SYNE1: variants seen among roughly 807,000 people sequenced by gnomAD.
SYNE1 encodes nesprin-1.
In SYNE1, 616 loss-of-function variants were observed where a neutral mutation model predicts 1,111.0. The observed-to-expected ratio is 0.55, with a 90% confidence interval of 0.52 to 0.59. The LOEUF (loss-of-function observed/expected upper bound fraction) is 0.59. SYNE1 is among the 20% of genes least tolerant of loss of function. SYNE1 has a pLI of 0.00. For missense variants in SYNE1, 10,006 were observed against 10,417.0 expected, an observed-to-expected ratio of 0.96 and a Z score of 1.72; for synonymous variants, 3,855 against 3,825.8, an observed-to-expected ratio of 1.01 and a Z score of -0.28.
chr6:152,456,188 T>C, intron 22 of SYNE1, 144 bp from the exon 23 acceptor site: 1 of 779,198 alleles, frequency 1.3e-6, no homozygotes, highest in East Asian at 2.6e-5. Context: ...AAAAGTATGG[T>C]GGAACATTTC....
chr6:152,166,466 G>GT (rs1271511365), intron 130 of SYNE1, among the ~76,000 whole-genome samples: 1 of 152,036 alleles, frequency 6.6e-6, no homozygotes, highest in Admixed American at 6.6e-5. Context: ...AAATTCATTC[G>GT]TTTTTTTGGT....
intron 41 of SYNE1, among the ~76,000 whole-genome samples, chr6:152,414,845 T>C (rs539647726): frequency 7.7e-4 from 117 of 152,208 alleles, no homozygotes; most frequent in African/African-American, 2.7e-3. Context: ...AGGCACCTTG[T>C]TCTCTCTTTA....
At chr6:152,274,620 G>C (rs1241867337) in intron 98 of SYNE1, among the ~76,000 whole-genome samples, 1 of 152,032 alleles carries the variant, frequency 6.6e-6, no homozygotes, top group Non-Finnish European at 1.5e-5. Flanking sequence ...TTTTGAGATG[G>C]AGTTTCACTC....
chr6:152,211,178 A>G (rs775125258), intron 124 of SYNE1, among the ~76,000 whole-genome samples: 18 of 152,216 alleles, frequency 1.2e-4, no homozygotes, highest in Non-Finnish European at 2.1e-4. Context: ...TCTGTTTACA[A>G]ACCGTTGATA....
intron 29 of SYNE1, 72 bp from the exon 30 acceptor site, chr6:152,444,650 A>T (rs1322786415): frequency 1.4e-6 from 2 of 1,417,374 alleles, no homozygotes; most frequent in Non-Finnish European, 1.9e-6. Flanking sequence ...TTTTTTTGGT[A>T]AGGTATGATT....
At chr6:152,221,997 A>T (rs2080289935) in intron 117 of SYNE1, among the ~76,000 whole-genome samples, 1 of 152,126 alleles carries the variant, frequency 6.6e-6, no homozygotes, top group African/African-American at 2.4e-5. Flanking sequence ...ACTTGCCCAG[A>T]CATGTCCAAA....
intron 3 of SYNE1, among the ~76,000 whole-genome samples, chr6:152,551,632 A>T (rs1044828500): frequency 1.3e-5 from 2 of 152,210 alleles, no homozygotes; most frequent in Non-Finnish European, 2.9e-5. Context: ...TAGTATATTT[A>T]AAAAATATCA....
chr6:152,301,724 C>CA, intron 92 of SYNE1, 145 bp downstream of exon 92: 1 of 882,978 alleles, frequency 1.1e-6, no homozygotes, highest in East Asian at 2.7e-5. Flanking sequence ...CAACGGTAGT[C>CA]AAAGAGACTT....
intron 28 of SYNE1, among the ~76,000 whole-genome samples, 175 bp downstream of exon 28, chr6:152,449,358 C>G (rs977641749): frequency 2.0e-5 from 3 of 151,990 alleles, no homozygotes; most frequent in African/African-American, 7.3e-5. Flanking sequence ...ACCAAGGATT[C>G]AATAGGAAAA....
chr6:152,141,424 A>G, intron 138 of SYNE1, 95 bp from the exon 139 acceptor site: 1 of 1,559,656 alleles, frequency 6.4e-7, no homozygotes, highest in Non-Finnish European at 8.7e-7. Context: ...CAGCAAGAGA[A>G]GTGTCTGTGT....
At chr6:152,380,117 A>G (rs1407070851) in intron 56 of SYNE1, among the ~76,000 whole-genome samples, 4 of 152,238 alleles carry the variant, frequency 2.6e-5, no homozygotes, top group Admixed American at 6.5e-5. Context: ...AGTAGCATAA[A>G]GAGGTAGAAA....
chr6:152,127,078 T>C (rs1055337817), intron 145 of SYNE1: 1 of 152,178 alleles, frequency 6.6e-6, no homozygotes, highest in African/African-American at 2.4e-5. Context: ...GTTTCCAGAA[T>C]CAAGTTAGGA....
chr6:152,219,338 C>A (rs2079525092), intron 119 of SYNE1, among the ~76,000 whole-genome samples, 153 bp from the exon 120 acceptor site: 1 of 152,092 alleles, frequency 6.6e-6, no homozygotes, highest in Non-Finnish European at 1.5e-5. Flanking sequence ...AATGAACACG[C>A]ACTGAACCCC....
intron 97 of SYNE1, among the ~76,000 whole-genome samples, chr6:152,281,435 A>G (rs942277096): frequency 1.3e-5 from 2 of 152,196 alleles, no homozygotes; most frequent in Admixed American, 1.3e-4. Context: ...CAAAATTGTA[A>G]CAGAGCACCT....
At position 152,268,102 on chromosome 6, in the gene SYNE1, C is replaced by G. The variant is rs551488589; in HGVS notation, c.18769G>C (p.Glu6257Gln). 1.5e-5 allele frequency: 24 copies of G among 1,614,110 alleles called. No homozygotes were observed. In the South Asian group the frequency reaches 2.3e-4, roughly 16 times the overall value. Residue 6257 changes from glutamate to glutamine, a missense_variant, in exon 100 of 146, where the codon GAG becomes CAG. Physicochemically the swap from Glu to Gln is conservative, Grantham distance 29. Around this residue, in one of 7 missense-constraint regions of SYNE1, gnomAD observed 2,182 missense variants for 2,287.8 expected, o/e 0.95. Transcript: ENST00000367255. ...GCCGCCGAATGTTGAATTAGAATCT[C>G]CTCTCCACGACTGGCTACTGAGCGA... ...LLRSVASRGE[E>Q]ILIQHSAAET...
intron 39 of SYNE1, among the ~76,000 whole-genome samples, chr6:152,422,665 G>A (rs1277967043): frequency 1.3e-5 from 2 of 152,000 alleles, no homozygotes; most frequent in African/African-American, 4.8e-5. Flanking sequence ...ACCATGCCTG[G>A]ATACTTTTTT....
At chr6:152,566,076 T>C (rs2099412489) in intron 3 of SYNE1, among the ~76,000 whole-genome samples, 1 of 152,186 alleles carries the variant, frequency 6.6e-6, no homozygotes, top group Non-Finnish European at 1.5e-5. Context: ...AATTATTTTT[T>C]TCTTCCACAG....
intron 54 of SYNE1, among the ~76,000 whole-genome samples, chr6:152,386,767 C>T (rs565250847): frequency 1.0e-3 from 154 of 151,172 alleles, no homozygotes; most frequent in African/African-American, 3.5e-3. Flanking sequence ...ACTTTAACGG[C>T]GACATTTGAT....
At chr6:152,430,338 C>G (rs2098417533) in intron 35 of SYNE1, 128 bp from the exon 36 acceptor site, 2 of 1,122,572 alleles carry the variant, frequency 1.8e-6, no homozygotes, top group Admixed American at 4.0e-5. Flanking sequence ...AAAATGCATT[C>G]TTTAAACATC....
Sources: gnomAD v4.1 joint callset for allele counts (sites outside exome capture counted in the v4.1 genomes callset) on GRCh38, gnomAD v4.1.1 for gene constraint, gnomAD v4.1.1 regional missense constraint, MANE v1.5 for transcripts, NCBI Gene and HGNC (gene_info 2026-07-23, HGNC 2026-07-21) for gene names.